Variants in GARNL3 observed in about 807,000 individuals in gnomAD.
GARNL3 encodes the protein GTPase activating Rap/RanGAP domain like 3, also known as GTPase-activating Rap/Ran-GAP domain-like protein 3.
Under a neutral mutation model 125.0 loss-of-function variants are expected in GARNL3, and 63 were observed. That is an observed-to-expected ratio of 0.50 (90% CI 0.41 to 0.62). The LOEUF (loss-of-function observed/expected upper bound fraction) is 0.62. GARNL3 is among the 20% of genes least tolerant of loss of function. GARNL3 has a pLI of 0.00. For missense variants in GARNL3, 994 were observed against 1,244.0 expected (o/e 0.80, Z 3.02); for synonymous variants, 439 against 457.5 (o/e 0.96, Z 0.52).
intron 1 of GARNL3, among the ~76,000 whole-genome samples, chr9:127,241,323 C>G (rs1439695832): frequency 6.6e-6 from 1 of 152,176 alleles, no homozygotes; most frequent in African/African-American, 2.4e-5. Flanking sequence ...AAATGTCTCT[C>G]ATCCTGAAGC....
intron 7 of GARNL3, among the ~76,000 whole-genome samples, chr9:127,330,217 G>C (rs1387428320): frequency 6.6e-6 from 1 of 152,326 alleles, no homozygotes. Flanking sequence ...TATTCTAAGA[G>C]GATCATATGT....
intron 2 of GARNL3, among the ~76,000 whole-genome samples, chr9:127,254,795 T>A (rs1396718183): frequency 1.3e-5 from 2 of 148,416 alleles, no homozygotes; most frequent in African/African-American, 2.5e-5. Context: ...TACCAATTAA[T>A]TGGAAAAAGA....
intron 1 of GARNL3, among the ~76,000 whole-genome samples, chr9:127,285,706 A>G (rs1270967405): frequency 3.3e-5 from 5 of 152,164 alleles, no homozygotes; most frequent in African/African-American, 1.2e-4. Context: ...AAATGTTTAT[A>G]GTTATATTTT....
At chr9:127,229,460 A>G (rs1439617331) in intron 1 of GARNL3, among the ~76,000 whole-genome samples, 2 of 152,044 alleles carry the variant, frequency 1.3e-5, no homozygotes, top group Non-Finnish European at 2.9e-5. Flanking sequence ...CAAAGTCCTT[A>G]ATTCTTTCTC....
chr9:127,330,370 T>C (rs1564146045), intron 7 of GARNL3, among the ~76,000 whole-genome samples: 1 of 152,224 alleles, frequency 6.6e-6, no homozygotes, highest in Non-Finnish European at 1.5e-5. Flanking sequence ...TCTAAGAAAT[T>C]TATCAAATGC....
chr9:127,265,642 A>AT (rs986830691), intron 1 of GARNL3, among the ~76,000 whole-genome samples: 1 of 152,180 alleles, frequency 6.6e-6, no homozygotes, highest in African/African-American at 2.4e-5. Flanking sequence ...TAGTCTCAAT[A>AT]TTTTTTAAAG....
At position 127,390,239 on chromosome 9, in the gene GARNL3, C is replaced by G. The variant is rs533796314; in HGVS notation, c.2744-402C>G. ...GTCCATTGGTTTTTCAAGTTGGTGC[C>G]TTCTACTGTGTTTTGAAAATAAATG... On this transcript the variant is annotated intron_variant, in intron 26 of 27. Coordinates refer to ENST00000373387, the MANE Select transcript of GARNL3 (RefSeq NM_032293.5). 4.0e-4 allele frequency among the ~76,000 whole-genome samples: 61 copies of G among 152,296 alleles called. No individual in the cohort carries two copies. The South Asian group carries it at 0.013, about 32-fold the overall frequency.
chr9:127,292,212 C>T (rs1401050504), intron 2 of GARNL3, among the ~76,000 whole-genome samples: 1 of 152,224 alleles, frequency 6.6e-6, no homozygotes, highest in Non-Finnish European at 1.5e-5. Flanking sequence ...TTACCTGACC[C>T]TTGCCATTGA....
intron 1 of GARNL3, among the ~76,000 whole-genome samples, chr9:127,279,055 G>A (rs2064034444): frequency 6.6e-6 from 1 of 152,130 alleles, no homozygotes; most frequent in African/African-American, 2.4e-5. Context: ...TCAGGTTCCA[G>A]GTGGACCTGA....
chr9:127,301,488 G>T (rs998971988), intron 2 of GARNL3, among the ~76,000 whole-genome samples: 2 of 152,176 alleles, frequency 1.3e-5, no homozygotes, highest in African/African-American at 2.4e-5. Flanking sequence ...CCACTCTCTA[G>T]TTTACAATTC....
Position 127,342,229 on chromosome 9 carries a change from T to C in GARNL3, c.1146T>C (p.Gly382=), listed in dbSNP as rs1784336813. The change falls in exon 14 of 28, where the codon GGT becomes GGC. Residue 382 remains glycine, a synonymous_variant. Coordinates refer to ENST00000373387, the MANE Select transcript of GARNL3 (RefSeq NM_032293.5). ...CTTGATTTATTTTAGTAATTAATGG[T>C]GAAAAAGCCACTTTGGAAACCCCAA... ...RDFLLVKLIN[G]EKATLETPTF... is the part of the protein sequence containing the mutation. 24 of 1,609,178 alleles carry C rather than the reference T, an allele frequency of 1.5e-5. No homozygotes were observed. Among genetic ancestry groups the C allele is most frequent in the Non-Finnish European group, 2.0e-5 (24 of 1,175,506 alleles).
At chr9:127,342,130 AAAG>A in intron 13 of GARNL3, 86 bp from the exon 14 acceptor site, 1 of 894,200 alleles carries the variant, frequency 1.1e-6, no homozygotes, top group South Asian at 1.5e-5. Flanking sequence ...TCACAGAACT[AAAG>A]AAAAGAACAG....
At chr9:127,235,313 T>C (rs2063091649) in intron 1 of GARNL3, among the ~76,000 whole-genome samples, 1 of 151,804 alleles carries the variant, frequency 6.6e-6, no homozygotes, top group Non-Finnish European at 1.5e-5. Flanking sequence ...CAGATATGGA[T>C]CCTCAGGTAG....
At chr9:127,321,522 T>G (rs1588850645) in intron 6 of GARNL3, among the ~76,000 whole-genome samples, 1 of 152,208 alleles carries the variant, frequency 6.6e-6, no homozygotes, top group African/African-American at 2.4e-5. Context: ...GGATAAAAGG[T>G]ATCCAGAAAG....
intron 2 of GARNL3, among the ~76,000 whole-genome samples, chr9:127,249,287 A>G (rs1294682751): frequency 6.6e-6 from 1 of 152,200 alleles, no homozygotes; most frequent in African/African-American, 2.4e-5. Flanking sequence ...GCAAAATGGC[A>G]TATACAAGAT....
intron 2 of GARNL3, among the ~76,000 whole-genome samples, chr9:127,308,475 C>G (rs2065013598): frequency 6.6e-6 from 1 of 151,988 alleles, no homozygotes; most frequent in African/African-American, 2.4e-5. Context: ...TTACCAAACC[C>G]CTGCAACACA....
chr9:127,241,765 G>GT (rs374743119), intron 1 of GARNL3, among the ~76,000 whole-genome samples: 40 of 136,884 alleles, frequency 2.9e-4, no homozygotes, highest in African/African-American at 1.1e-3. Flanking sequence ...TTGTTTGTTT[G>GT]TTTGTTTTGT....
intron 2 of GARNL3, among the ~76,000 whole-genome samples, chr9:127,246,266 A>T (rs1183865867): frequency 3.3e-5 from 5 of 152,198 alleles, no homozygotes; most frequent in Non-Finnish European, 5.9e-5. Context: ...AGGGAGACCT[A>T]TCAGAGCAGA....
At chr9:127,323,750 C>T (rs1048003049) in intron 6 of GARNL3, among the ~76,000 whole-genome samples, 1 of 102,606 alleles carries the variant, frequency 9.7e-6, no homozygotes, top group African/African-American at 5.1e-5. Context: ...AATTAAACTG[C>T]ACCCCCCCAT....
Sources: allele counts gnomAD v4.1 joint callset (sites outside exome capture counted in the v4.1 genomes callset), GRCh38; gene constraint gnomAD v4.1.1; transcripts MANE v1.5; gene names NCBI Gene and HGNC (gene_info 2026-07-23, HGNC 2026-07-21).